Variants in CDH18 observed in about 807,000 individuals in gnomAD.
CDH18 encodes cadherin 18.
CDH18 carries 31 observed loss-of-function variants against 67.9 expected under a neutral mutation model. That is an observed-to-expected ratio of 0.46 (90% confidence interval 0.34 to 0.62). The LOEUF (loss-of-function observed/expected upper bound fraction) is 0.62, where lower values mean the gene tolerates loss of function less well. CDH18 is among the 20% of genes least tolerant of loss of function. The probability of loss-of-function intolerance (pLI) is 0.01; values close to 1 mark genes in which losing one functional copy is unlikely to be tolerated. For missense variants in CDH18, 890 were observed against 975.5 expected (o/e 0.91, Z 1.17); for synonymous variants, 362 against 347.2 (o/e 1.04, Z -0.48).
intron 12 of CDH18, among the ~76,000 whole-genome samples, chr5:19,476,517 C>T (rs1224170562): frequency 6.6e-6 from 1 of 151,918 alleles, no homozygotes; most frequent in East Asian, 1.9e-4. Context: ...ATAAATCCAC[C>T]TTACAGTTTT....
At chr5:19,777,381 C>T (rs917474550) in intron 3 of CDH18, among the ~76,000 whole-genome samples, 13 of 152,152 alleles carry the variant, frequency 8.5e-5, no homozygotes, top group Non-Finnish European at 1.8e-4. Context: ...ATGTTAACAA[C>T]GACACAAGAT....
chr5:19,586,747 T>C (rs1744215534), intron 7 of CDH18, among the ~76,000 whole-genome samples: 1 of 152,194 alleles, frequency 6.6e-6, no homozygotes, highest in Non-Finnish European at 1.5e-5. Context: ...CTGGATCAAA[T>C]GGTAGTTCTG....
Position 20,068,266 on chromosome 5 carries a change from C to T in CDH18, c.-517-76252G>A, listed in dbSNP as rs116217523. Among the ~76,000 whole-genome samples, 973 of 151,958 alleles carry T rather than the reference C, an allele frequency of 6.4e-3. 10 individuals carry two copies. The highest frequency in any genetic ancestry group is 0.022 in the African/African-American group (917 of 41,458). On this transcript the variant is annotated intron_variant, in intron 2 of 14. Transcript: ENST00000507958. ...ATACATGATGGGTCATGTACAATAT[C>T]GCACAGATATTACAAGTGGAAAGAC...
chr5:19,817,310 AGTGATAGC>A (rs1779395788), intron 3 of CDH18, among the ~76,000 whole-genome samples: 1 of 152,000 alleles, frequency 6.6e-6, no homozygotes, highest in African/African-American at 2.4e-5. Flanking sequence ...AGGAGGCTCT[AGTGATAGC>A]TATCAAAATT....
intron 1 of CDH18, among the ~76,000 whole-genome samples, chr5:20,461,182 G>A (rs1283688139): frequency 1.3e-5 from 2 of 152,162 alleles, no homozygotes; most frequent in Admixed American, 6.5e-5. Flanking sequence ...CTGAGTATTT[G>A]TTTCCTCAGA....
rs774396694 is a variant in CDH18 at position 20,555,408 on chromosome 5, C to CTTTTTTTTTTTTT, written c.-580+20041_-580+20053dup. 6.8e-4 allele frequency among the ~76,000 whole-genome samples: 70 copies of CTTTTTTTTTTTTT among 103,652 alleles called. 3 individuals are homozygous for CTTTTTTTTTTTTT. Among genetic ancestry groups the CTTTTTTTTTTTTT allele is most frequent in the Middle Eastern group, 7.7e-3 (1 of 130 alleles). 68.0% of individuals were successfully genotyped at this position (103,652 alleles called of 152,430 possible). On this transcript the variant is annotated intron_variant, in intron 1 of 14. Transcript: ENST00000507958. ...GCCAGAACCACCAAGACAAGCTTTT[C>CTTTTTTTTTTTTT]TTTTTTTTTTTTTTTTTTTTTTTTT...
chr5:19,623,982 CATTATTATTATT>C (rs70950078), intron 5 of CDH18, among the ~76,000 whole-genome samples: 253 of 139,822 alleles, frequency 1.8e-3, no homozygotes, highest in African/African-American at 5.7e-3. Flanking sequence ...TGTCACACTC[CATTATTATTATT>C]ATTATTATTA....
intron 6 of CDH18, among the ~76,000 whole-genome samples, chr5:19,593,696 T>TTCCTCCTCCTCCTCCTCC (rs1436673465): frequency 5.9e-4 from 10 of 16,870 alleles, no homozygotes; most frequent in African/African-American, 1.1e-3. Flanking sequence ...TCTCTTCCTC[T>TTCCTCCTCCTCCTCCTCC]TCCTCCTCCT....
At chr5:19,494,363 A>T (rs1741950524) in intron 11 of CDH18, among the ~76,000 whole-genome samples, 1 of 152,168 alleles carries the variant, frequency 6.6e-6, no homozygotes, top group Non-Finnish European at 1.5e-5. Context: ...CCATTTTACA[A>T]AAGAGAAAAC....
chr5:20,102,281 T>A (rs1746543013), intron 2 of CDH18, among the ~76,000 whole-genome samples: 3 of 151,816 alleles, frequency 2.0e-5, no homozygotes, highest in Non-Finnish European at 2.9e-5. Context: ...ATGTGAGGAA[T>A]GTACTTACGG....
chr5:20,056,396 G>T (rs1340767960), intron 2 of CDH18, among the ~76,000 whole-genome samples: 3 of 108,390 alleles, frequency 2.8e-5, no homozygotes, highest in East Asian at 3.5e-4. Context: ...TTTTTTGTTT[G>T]TTTGTTTGTT....
intron 1 of CDH18, among the ~76,000 whole-genome samples, chr5:20,298,207 C>T (rs1747689405): frequency 6.6e-6 from 1 of 152,056 alleles, no homozygotes; most frequent in Non-Finnish European, 1.5e-5. Flanking sequence ...TGTAAAATTT[C>T]CCAGTAAATT....
intron 2 of CDH18, among the ~76,000 whole-genome samples, chr5:20,164,708 G>A (rs551387780): frequency 6.6e-6 from 1 of 152,274 alleles, no homozygotes; most frequent in Admixed American, 6.5e-5. Flanking sequence ...AAAGTTTTTA[G>A]AGATACGGCC....
intron 2 of CDH18, among the ~76,000 whole-genome samples, chr5:20,062,991 C>CTT (rs5866413): frequency 0.02 from 2,725 of 138,972 alleles, 46 homozygotes; most frequent in Middle Eastern, 0.026. Context: ...TTTTTTCTTT[C>CTT]TTTTTTTTTT....
chr5:19,861,244 A>G (rs1043065498), intron 2 of CDH18, among the ~76,000 whole-genome samples: 2 of 151,598 alleles, frequency 1.3e-5, no homozygotes, highest in African/African-American at 4.8e-5. Context: ...TTGGACTTTA[A>G]TTTTTCCTTT....
intron 1 of CDH18, among the ~76,000 whole-genome samples, chr5:20,512,213 ACT>A (rs1349362138): frequency 6.6e-6 from 1 of 152,012 alleles, no homozygotes; most frequent in African/African-American, 2.4e-5. Context: ...ACAGAGTGAG[ACT>A]CTGTCTCAAA....
chr5:19,555,026 A>T, intron 8 of CDH18, among the ~76,000 whole-genome samples: 1 of 152,186 alleles, frequency 6.6e-6, no homozygotes, highest in East Asian at 1.9e-4. Context: ...TATAACTGTG[A>T]CACAACATTA....
At chr5:19,857,745 T>C (rs1290932472) in intron 2 of CDH18, among the ~76,000 whole-genome samples, 1 of 152,136 alleles carries the variant, frequency 6.6e-6, no homozygotes, top group African/African-American at 2.4e-5. Context: ...TCCAAATTCC[T>C]CTAAGTGTCT....
In CDH18 at chr5:19,571,727, T is replaced by G; in HGVS notation, c.1105A>C (p.Met369Leu). ...SHLGPFKDAT[M>L]LKIIVGDVDE... is the part of the protein sequence containing the mutation. ...ACATCCCCAACAATGATCTTCAGCA[T>G]AGTAGCATCTTTAAAAGGACCCAAG... is the stretch of plus-strand genomic sequence containing the variant. The change falls in exon 8 of 13, where the codon ATG (methionine) becomes CTG (leucine). Residue 369 changes from methionine to leucine, a missense_variant. Coordinates refer to ENST00000382275, the MANE Select transcript of CDH18 (RefSeq NM_004934.5). The G allele has an allele frequency of 5.0e-6, 8 of 1,613,982 alleles. No homozygotes were observed. Among genetic ancestry groups the G allele is most frequent in the Non-Finnish European group, 5.9e-6 (7 of 1,179,916 alleles).
Sources: gnomAD v4.1 joint callset for allele counts (sites outside exome capture counted in the v4.1 genomes callset) on GRCh38, gnomAD v4.1.1 for gene constraint, MANE v1.5 for transcripts, NCBI Gene and HGNC (gene_info 2026-07-23, HGNC 2026-07-21) for gene names.